The following QTMAN variants were observed in gnomAD, a reference collection of about 807,000 sequenced individuals.
The protein encoded by QTMAN is queuosine-tRNA mannosyltransferase.
the QTMAN span, among the ~76,000 whole-genome samples, chr2:144,314,493 A>G: frequency 6.6e-6 from 1 of 152,154 alleles, no homozygotes; most frequent in Admixed American, 6.6e-5. Context: ...CTGGCGGATC[A>G]TGAGGTCAGG....
chr2:144,054,672 G>GC, the QTMAN span, among the ~76,000 whole-genome samples: 381 of 152,298 alleles, frequency 2.5e-3, 1 homozygote, highest in African/African-American at 8.7e-3. Context: ...GGCTGACATA[G>GC]CCTTTGAACT....
At chr2:144,279,018 AG>A in the QTMAN span, among the ~76,000 whole-genome samples, 11 of 152,174 alleles carry the variant, frequency 7.2e-5, no homozygotes, top group Non-Finnish European at 1.3e-4. Context: ...AGGGAGATTA[AG>A]AACTCTGCCA....
the QTMAN span, among the ~76,000 whole-genome samples, chr2:144,299,315 G>T: frequency 6.6e-6 from 1 of 152,050 alleles, no homozygotes; most frequent in African/African-American, 2.4e-5. Flanking sequence ...GCCTCTATGT[G>T]AGTAAAGGGA....
chr2:144,159,689 T>A, the QTMAN span, among the ~76,000 whole-genome samples: 1 of 152,104 alleles, frequency 6.6e-6, no homozygotes, highest in Non-Finnish European at 1.5e-5. Context: ...GCATTTTCAA[T>A]AGGCCAGACT....
At chr2:144,029,899 C>T in the QTMAN span, among the ~76,000 whole-genome samples, 1 of 152,068 alleles carries the variant, frequency 6.6e-6, no homozygotes, top group East Asian at 1.9e-4. Flanking sequence ...TATAATTATA[C>T]AGCATAGCGT....
chr2:144,328,848 C>G, the QTMAN span, among the ~76,000 whole-genome samples: 3 of 152,160 alleles, frequency 2.0e-5, no homozygotes, highest in Middle Eastern at 3.2e-3. Flanking sequence ...TAGGAATCAG[C>G]CTATGGAATT....
chr2:143,958,780 TTC>T, the QTMAN span, among the ~76,000 whole-genome samples: 5 of 148,940 alleles, frequency 3.4e-5, no homozygotes, highest in African/African-American at 1.3e-4. Flanking sequence ...ATTTCTTTCT[TTC>T]TTTTTTTTTT....
At chr2:144,315,113 G>C in the QTMAN span, among the ~76,000 whole-genome samples, 3 of 151,976 alleles carry the variant, frequency 2.0e-5, no homozygotes, top group East Asian at 1.9e-4. Context: ...CTCAAACTCC[G>C]ACCTCAGGTA....
At chr2:144,000,853 G>C in the QTMAN span, among the ~76,000 whole-genome samples, 1 of 151,914 alleles carries the variant, frequency 6.6e-6, no homozygotes, top group Non-Finnish European at 1.5e-5. Flanking sequence ...ACATAACATT[G>C]AAATAGAACA....
chr2:143,940,132 T>A, the QTMAN span: 1 of 152,246 alleles, frequency 6.6e-6, no homozygotes, highest in African/African-American at 2.4e-5. Flanking sequence ...TTTTCAGAAC[T>A]GTCTCCATAA....
At chr2:144,308,887 TAGATATACAA>T in the QTMAN span, among the ~76,000 whole-genome samples, 1 of 152,184 alleles carries the variant, frequency 6.6e-6, no homozygotes, top group African/African-American at 2.4e-5. Context: ...AACTTGTATC[TAGATATACAA>T]AGATATAAAG....
At chr2:143,991,793 GC>G in the QTMAN span, among the ~76,000 whole-genome samples, 2 of 148,682 alleles carry the variant, frequency 1.3e-5, no homozygotes, top group African/African-American at 5.0e-5. Flanking sequence ...TGGGGGGTCA[GC>G]CCCCTGCCCG....
At chr2:144,183,694 T>G in the QTMAN span, among the ~76,000 whole-genome samples, 5 of 152,180 alleles carry the variant, frequency 3.3e-5, no homozygotes, top group African/African-American at 7.2e-5. Flanking sequence ...TAGTCTTATC[T>G]TCCCAAATGT....
chr2:144,101,034 A>G, the QTMAN span, among the ~76,000 whole-genome samples: 2 of 151,620 alleles, frequency 1.3e-5, no homozygotes, highest in African/African-American at 4.8e-5. Context: ...CACGCTGGCT[A>G]ATTTTTTGTA....
At chr2:144,033,670 G>T in the QTMAN span, among the ~76,000 whole-genome samples, 7 of 152,090 alleles carry the variant, frequency 4.6e-5, no homozygotes, top group South Asian at 2.1e-4. Flanking sequence ...AGTGTGGGTG[G>T]GGCCAAAAGT....
the QTMAN span, among the ~76,000 whole-genome samples, chr2:144,218,237 T>C: frequency 6.6e-6 from 1 of 152,226 alleles, no homozygotes; most frequent in Admixed American, 6.5e-5. Context: ...CATGTAAATA[T>C]AATAGGTGGC....
chr2:144,047,359 C>A, the QTMAN span, among the ~76,000 whole-genome samples: 10 of 152,200 alleles, frequency 6.6e-5, no homozygotes, highest in East Asian at 1.9e-3. Context: ...GGTAGAGACA[C>A]GGTAAGGCAT....
At chr2:143,965,864 A>G in the QTMAN span, among the ~76,000 whole-genome samples, 1 of 152,222 alleles carries the variant, frequency 6.6e-6, no homozygotes, top group Non-Finnish European at 1.5e-5. Context: ...CCTCCACTTC[A>G]TATCTGCTGT....
chr2:143,973,678 A>T, the QTMAN span, among the ~76,000 whole-genome samples: 3 of 152,030 alleles, frequency 2.0e-5, no homozygotes, highest in African/African-American at 7.2e-5. Flanking sequence ...AGTCCCAGCT[A>T]CACGGGAGGC....
Sources: allele counts gnomAD v4.1 joint callset (sites outside exome capture counted in the v4.1 genomes callset), GRCh38; gene constraint gnomAD v4.1.1; transcripts MANE v1.5; gene names NCBI Gene and HGNC (gene_info 2026-07-23, HGNC 2026-07-21).